The following RIPK1 variants were observed in gnomAD, a reference collection of about 807,000 sequenced individuals.
The protein encoded by RIPK1 is receptor-interacting serine/threonine-protein kinase 1.
RIPK1 carries 27 observed loss-of-function variants against 62.4 expected under a neutral mutation model. The observed-to-expected ratio is 0.43, with a 90% CI of 0.32 to 0.60. RIPK1 has a LOEUF of 0.60. RIPK1 is among the 20% of genes least tolerant of loss of function. The pLI is 0.07. For missense variants in RIPK1, 735 were observed against 831.0 expected, an observed-to-expected ratio of 0.88 and a Z score of 1.42; for synonymous variants, 287 against 303.2, an observed-to-expected ratio of 0.95 and a Z score of 0.55.
intron 7 of RIPK1, among the ~76,000 whole-genome samples, chr6:3,100,187 G>A (rs538348468): frequency 3.6e-4 from 55 of 152,064 alleles, no homozygotes; most frequent in Non-Finnish European, 1.2e-4. Context: ...TATGGGAGGC[G>A]GAGTTGTACA....
rs1385350045 is a variant in RIPK1 at position 3,072,127 on chromosome 6, C to A, written c.-61+3466C>A. ...ACTTTTGCTGTTCTATGTAATGCTA[C>A]CAGGAACAGCTTTGCACATAATCTT... is the stretch of plus-strand genomic sequence containing the variant. On this transcript the variant is annotated intron_variant, in intron 1 of 10. Coordinates refer to ENST00000259808, the MANE Select transcript of RIPK1 (RefSeq NM_001354930.2). This position sits in a 1 kb window ranked among gnomAD's most constrained non-coding sequence, Gnocchi z 5.6. 6.6e-6 allele frequency among the ~76,000 whole-genome samples: 1 copy of A among 152,136 alleles called. No individual in the cohort carries two copies. The highest frequency in any genetic ancestry group is 1.5e-5 in the Non-Finnish European group (1 of 68,042).
chr6:3,099,953 A>G (rs1468064648), intron 7 of RIPK1, among the ~76,000 whole-genome samples: 1 of 152,218 alleles, frequency 6.6e-6, no homozygotes, highest in African/African-American at 2.4e-5. Flanking sequence ...TCAAATGTCC[A>G]TAAGTAACTG....
chr6:3,082,129 A>G (rs1451367823), intron 4 of RIPK1, among the ~76,000 whole-genome samples: 1 of 152,178 alleles, frequency 6.6e-6, no homozygotes, highest in Non-Finnish European at 1.5e-5. Flanking sequence ...TCCAAGCACA[A>G]GAATCCAAAA....
chr6:3,111,599 T>C (rs1025844116), intron 10 of RIPK1, among the ~76,000 whole-genome samples: 4 of 151,928 alleles, frequency 2.6e-5, no homozygotes, highest in Admixed American at 6.6e-5. Flanking sequence ...ACCTCTCTTA[T>C]TGTAGTGCAA....
rs1759632969 is a variant in RIPK1 at position 3,085,335 on chromosome 6, C to T, written c.765C>T (p.Tyr255=). 1 of 1,614,210 alleles carries T rather than the reference C, an allele frequency of 6.2e-7. No individual in the cohort carries two copies. Among genetic ancestry groups the T allele is most frequent in the South Asian group, 1.1e-5 (1 of 91,092 alleles). The change falls in exon 6 of 11, where the codon TAC becomes TAT. Residue 255 remains tyrosine, a synonymous_variant. Coordinates refer to ENST00000259808, the MANE Select transcript of RIPK1 (RefSeq NM_001354930.2). ...CAGATGTGGATGACATCACTGAGTA[C>T]TGCCCAAGAGAAATTATCAGTCTCA... The part of the protein sequence containing the change: ...NRPDVDDITE[Y]CPREIISLMK...
At chr6:3,068,717 G>A (rs9501917) in intron 1 of RIPK1, 56 bp downstream of exon 1, 58,022 of 969,506 alleles carry the variant, frequency 0.06, 2,107 homozygotes, top group African/African-American at 0.16. Context: ...GCTCAGTCCC[G>A]GTGACCCCCC....
At chr6:3,087,683 A>G (rs186453925) in intron 6 of RIPK1, among the ~76,000 whole-genome samples, 416 of 151,640 alleles carry the variant, frequency 2.7e-3, no homozygotes, top group Middle Eastern at 0.01. Context: ...GGGACTACAG[A>G]CACCCGCCAC....
intron 4 of RIPK1, 116 bp downstream of exon 4, chr6:3,081,232 C>T: frequency 8.3e-7 from 1 of 1,204,236 alleles, no homozygotes; most frequent in South Asian, 1.5e-5. Context: ...CAGCTTATAA[C>T]TGTTGATGAT....
At chr6:3,106,157 G>A (rs1335392213) in intron 9 of RIPK1, 106 bp downstream of exon 9, 3 of 854,244 alleles carry the variant, frequency 3.5e-6, no homozygotes, top group African/African-American at 1.7e-5. Flanking sequence ...GGGACAGAGG[G>A]CATCATCAGC....
chr6:3,072,472 A>G lies in RIPK1; in HGVS notation c.-61+3811A>G, dbSNP rs1197042293. On this transcript the variant is annotated intron_variant, in intron 1 of 10. Transcript: ENST00000259808. This position sits in a 1 kb window ranked among gnomAD's most constrained non-coding sequence, Gnocchi z 5.6. Reference sequence around the variant, plus strand: ...GTCAAAAACAATTTTGAATGGCTATATAATATTCTGTTAGGAGTGTGCCGT... The same window carrying G: ...GTCAAAAACAATTTTGAATGGCTATGTAATATTCTGTTAGGAGTGTGCCGT... Among the ~76,000 whole-genome samples, 4 of 152,182 alleles carry G rather than the reference A, an allele frequency of 2.6e-5. No homozygotes were observed. Among genetic ancestry groups the G allele is most frequent in the Non-Finnish European group, 5.9e-5 (4 of 68,032 alleles).
At chr6:3,081,887 AAAAAAAAAAAAAAAAAAAT>A (rs1435541721) in intron 4 of RIPK1, among the ~76,000 whole-genome samples, 6 of 144,974 alleles carry the variant, frequency 4.1e-5, no homozygotes, top group African/African-American at 1.6e-4. Flanking sequence ...AAAAAAAAAA[AAAAAAAAAAAAAAAAAAAT>A]CAGCAGTGCA....
At chr6:3,068,074 T>C, upstream of RIPK1, 2 of 327,076 alleles carry the variant, frequency 6.1e-6, no homozygotes, top group Non-Finnish European at 8.8e-6. Context: ...TATTTGATTT[T>C]TAATATACAT....
At chr6:3,109,372 G>A (rs2113710641) in intron 9 of RIPK1, among the ~76,000 whole-genome samples, 1 of 152,216 alleles carries the variant, frequency 6.6e-6, no homozygotes, top group South Asian at 2.1e-4. Context: ...GCAGATCGGT[G>A]GGAAATCTGG....
chr6:3,090,366 G>C (rs976998296), intron 7 of RIPK1, among the ~76,000 whole-genome samples: 1 of 151,958 alleles, frequency 6.6e-6, no homozygotes, highest in African/African-American at 2.4e-5. Context: ...TCATGAACAG[G>C]AGACTACGAC....
At chr6:3,079,100 A>C (rs958487198) in intron 3 of RIPK1, among the ~76,000 whole-genome samples, 1 of 150,640 alleles carries the variant, frequency 6.6e-6, no homozygotes, top group Non-Finnish European at 1.5e-5. Context: ...TTTTTTTTTT[A>C]GAGGAGTCTC....
chr6:3,065,078 T>TA (rs1336484528), upstream of RIPK1, among the ~76,000 whole-genome samples: 12 of 150,036 alleles, frequency 8.0e-5, no homozygotes, highest in African/African-American at 2.4e-4. Flanking sequence ...CCGTCTCTAC[T>TA]AAAAAAAAGA....
At position 3,105,404 on chromosome 6, in the gene RIPK1, T is replaced by C; in HGVS notation, c.1007-78T>C. ...TCTGTGTGTTACTTTGAGATACAGATTCATGACGGCGCTCAGATTTTATTT... is the reference window on the plus strand; with the variant it reads ...TCTGTGTGTTACTTTGAGATACAGACTCATGACGGCGCTCAGATTTTATTT... On this transcript the variant is annotated intron_variant, in intron 8 of 10. Transcript: ENST00000259808. The surrounding 1 kb of genome is among the most constrained non-coding windows in gnomAD (Gnocchi z 4.5). 8.7e-7 allele frequency: 1 copy of C among 1,155,578 alleles called. No homozygotes were observed. The highest frequency in any genetic ancestry group is 1.2e-6 in the Non-Finnish European group (1 of 809,402). The allele number at this position is 1,155,578 out of a possible 1,614,324, so 71.6% of individuals were successfully genotyped here.
At chr6:3,064,680 T>C (rs547756490), upstream of RIPK1, among the ~76,000 whole-genome samples, 2 of 152,052 alleles carry the variant, frequency 1.3e-5, no homozygotes, top group African/African-American at 4.8e-5. Context: ...GAGAACCTCC[T>C]CTAGGGTGGG....
chr6:3,105,910 C>A lies in RIPK1; in HGVS notation c.1435C>A (p.Leu479Met). ...CTCACATGGCTTTGGAACAAGACCA[C>A]TGGATCCAGGAACAGCAGGTCCCAG... ...YSSHGFGTRP[L>M]DPGTAGPRVW... Residue 479 changes from leucine (L) to methionine (M), a missense_variant, in exon 9 of 11, where the codon CTG (leucine) becomes ATG (methionine). Physicochemically the swap from Leu to Met is conservative, Grantham distance 15. Around this residue, in one of 2 missense-constraint regions of RIPK1, gnomAD observed 671 missense variants for 726.2 expected, o/e 0.92. Transcript: ENST00000259808. This position sits in a 1 kb window ranked among gnomAD's most constrained non-coding sequence, Gnocchi z 4.5. The A allele has an allele frequency of 6.2e-7, 1 of 1,614,168 alleles. No homozygotes were observed. The highest frequency in any genetic ancestry group is 8.5e-7 in the Non-Finnish European group (1 of 1,180,030).
Sources: gnomAD v4.1 joint callset for allele counts (sites outside exome capture counted in the v4.1 genomes callset) on GRCh38, gnomAD v4.1.1 for gene constraint, gnomAD v4.1.1 regional missense constraint, Gnocchi (gnomAD v3.1) non-coding constraint, MANE v1.5 for transcripts, NCBI Gene and HGNC (gene_info 2026-07-23, HGNC 2026-07-21) for gene names.